The following LRCH3 variants were observed in gnomAD, a reference collection of about 807,000 sequenced individuals.
LRCH3 encodes the protein leucine rich repeats and calponin homology domain containing 3, also known as DISP complex protein LRCH3.
Under a neutral mutation model 104.5 loss-of-function variants are expected in LRCH3, and 68 were observed. The observed-to-expected ratio is 0.65, with a 90% CI of 0.54 to 0.80. The LOEUF (loss-of-function observed/expected upper bound fraction) is 0.80, where lower values mean the gene tolerates loss of function less well. Among genes scored for constraint, LRCH3 ranks in the 30% least tolerant of loss-of-function variants. The pLI is 0.00. For missense variants in LRCH3, 951 were observed against 953.9 expected (o/e 1.00, Z 0.04); for synonymous variants, 344 against 361.3 (o/e 0.95, Z 0.54).
rs866421244 is a variant in LRCH3, at chr3:197,824,719, C to G, written c.641-2159C>G. 2.1e-4 allele frequency among the ~76,000 whole-genome samples: 31 copies of G among 151,114 alleles called. 1 individual carries two copies. In the East Asian group the frequency reaches 6.1e-3, roughly 30 times the overall value. On this transcript the variant is annotated intron_variant, in intron 4 of 20. Coordinates refer to ENST00000425562, the MANE Select transcript of LRCH3 (RefSeq NM_001365715.1). ...CCCAAGTAGCTGGGATTATAGGAGC[C>G]CGCCACCACGCCTGGCTAACTTTTG...
intron 1 of LRCH3, among the ~76,000 whole-genome samples, chr3:197,793,772 C>T (rs779745469): frequency 2.6e-5 from 4 of 151,804 alleles, no homozygotes; most frequent in African/African-American, 4.8e-5. Context: ...CTGGTCAAAA[C>T]GTGTAAAAAG....
intron 20 of LRCH3, 99 bp downstream of exon 20, chr3:197,875,874 C>G: frequency 2.8e-6 from 2 of 714,934 alleles, no homozygotes. Context: ...TAGCTCTGAG[C>G]TAAGTCGATC....
At position 197,791,290 on chromosome 3, in the gene LRCH3, G is replaced by A. The variant is rs778546789; in HGVS notation, c.12G>A (p.Ala4=). Residue 4 remains alanine (A), a synonymous_variant, in exon 1 of 21, where the codon GCG becomes GCA. Coordinates refer to ENST00000425562, the MANE Select transcript of LRCH3 (RefSeq NM_001365715.1). MAA[A]GLVAVAAAAE... is the part of the protein sequence containing the mutation. Reference sequence around the variant, plus strand: ...TTGTCGGCTGGGAAATGGCGGCCGCGGGCTTGGTCGCTGTGGCAGCGGCTG... The same window carrying A: ...TTGTCGGCTGGGAAATGGCGGCCGCAGGCTTGGTCGCTGTGGCAGCGGCTG... The A allele has an allele frequency of 3.7e-6, 6 of 1,608,344 alleles. No homozygotes were observed. In the African/African-American group the frequency reaches 4.0e-5, roughly 11 times the overall value.
At chr3:197,870,512 C>T (rs1198437050) in intron 18 of LRCH3, among the ~76,000 whole-genome samples, 1 of 152,116 alleles carries the variant, frequency 6.6e-6, no homozygotes, top group East Asian at 1.9e-4. Flanking sequence ...ATTACAGGCG[C>T]CCATCACTGC....
chr3:197,836,169 T>G (rs1183576175), intron 9 of LRCH3, among the ~76,000 whole-genome samples: 1 of 152,252 alleles, frequency 6.6e-6, no homozygotes, highest in African/African-American at 2.4e-5. Context: ...TACTAACTGA[T>G]AAATCATAGT....
chr3:197,813,662 C>T (rs1416198479), intron 1 of LRCH3, among the ~76,000 whole-genome samples: 1 of 151,020 alleles, frequency 6.6e-6, no homozygotes, highest in Non-Finnish European at 1.5e-5. Flanking sequence ...TCCCGAGTAG[C>T]TGGGATTACA....
chr3:197,798,710 T>C (rs1241555852), intron 1 of LRCH3, among the ~76,000 whole-genome samples: 2 of 152,208 alleles, frequency 1.3e-5, no homozygotes, highest in Non-Finnish European at 2.9e-5. Flanking sequence ...AGGTCTTAAT[T>C]TGAGATTGTG....
At chr3:197,821,619 T>C (rs1734500063) in intron 4 of LRCH3, among the ~76,000 whole-genome samples, 1 of 152,216 alleles carries the variant, frequency 6.6e-6, no homozygotes, top group Non-Finnish European at 1.5e-5. Flanking sequence ...TCAAGGTATT[T>C]TCATGACAGT....
chr3:197,821,899 C>G (rs1269464522), intron 4 of LRCH3, among the ~76,000 whole-genome samples: 4 of 152,202 alleles, frequency 2.6e-5, no homozygotes, highest in African/African-American at 9.6e-5. Context: ...GTCTCAAACT[C>G]CTGGGGTCAA....
At chr3:197,822,054 A>G (rs1048563257) in intron 4 of LRCH3, among the ~76,000 whole-genome samples, 1 of 152,202 alleles carries the variant, frequency 6.6e-6, no homozygotes, top group Non-Finnish European at 1.5e-5. Flanking sequence ...ATACAGCATA[A>G]TATTTAGTTC....
At chr3:197,850,738 C>T (rs1202585305) in intron 12 of LRCH3, 5 of 1,320,280 alleles carry the variant, frequency 3.8e-6, no homozygotes, top group Admixed American at 3.4e-5. Flanking sequence ...CACTGCTTGG[C>T]CTGCGCACAC....
intron 17 of LRCH3, among the ~76,000 whole-genome samples, chr3:197,868,494 A>T (rs1711615314): frequency 6.6e-6 from 1 of 152,204 alleles, no homozygotes; most frequent in African/African-American, 2.4e-5. Flanking sequence ...GTACCCTATG[A>T]CCAGCAGTTT....
chr3:197,872,907 G>A (rs1322073963), intron 19 of LRCH3, among the ~76,000 whole-genome samples: 1 of 152,146 alleles, frequency 6.6e-6, no homozygotes, highest in African/African-American at 2.4e-5. Context: ...AAAGGCTGTT[G>A]TATTAGTCCA....
In LRCH3 at chr3:197,814,981, G is replaced by A. The variant is rs757216419; in HGVS notation, c.336G>A (p.Leu112=). 1.9e-6 allele frequency: 3 copies of A among 1,593,098 alleles called. No individual in the cohort carries two copies. Residue 112 remains leucine (L), a synonymous_variant, in exon 2 of 21, where the codon TTG becomes TTA. Coordinates refer to ENST00000425562, the MANE Select transcript of LRCH3 (RefSeq NM_001365715.1). ...CHFVSLENLN[L]YQNCIRYIPE... ...TTGTTTCTCTGGAAAATCTCAACTT[G>A]TACCAAAATTGTATTCGTTATATTC...
chr3:197,840,930 T>A (rs1028797796), intron 10 of LRCH3, among the ~76,000 whole-genome samples: 4 of 152,334 alleles, frequency 2.6e-5, no homozygotes, highest in Non-Finnish European at 4.4e-5. Context: ...ATTTTATATC[T>A]CCTGCCCCTC....
At chr3:197,809,622 T>A (rs1732895252) in intron 1 of LRCH3, among the ~76,000 whole-genome samples, 1 of 152,040 alleles carries the variant, frequency 6.6e-6, no homozygotes, top group Non-Finnish European at 1.5e-5. Context: ...TCTCTGTTGT[T>A]CAGGCTGGGT....
At chr3:197,847,545 G>T in intron 11 of LRCH3, 85 bp downstream of exon 11, 1 of 1,181,996 alleles carries the variant, frequency 8.5e-7, no homozygotes, top group Non-Finnish European at 1.2e-6. Flanking sequence ...GCCATTAATT[G>T]CCAGGTATAT....
chr3:197,828,581 A>G (rs912662167), intron 5 of LRCH3, among the ~76,000 whole-genome samples: 2 of 151,376 alleles, frequency 1.3e-5, no homozygotes, highest in Non-Finnish European at 2.9e-5. Flanking sequence ...TCCTGACCTC[A>G]TGATCCACCT....
chr3:197,817,123 T>C, intron 2 of LRCH3, 53 bp from the exon 3 acceptor site: 1 of 1,522,408 alleles, frequency 6.6e-7, no homozygotes, highest in Non-Finnish European at 8.8e-7. Context: ...AGAGAGAAAA[T>C]TTTTCTTCAG....
Sources: gnomAD v4.1 joint callset for allele counts (sites outside exome capture counted in the v4.1 genomes callset) on GRCh38, gnomAD v4.1.1 for gene constraint, MANE v1.5 for transcripts, NCBI Gene and HGNC (gene_info 2026-07-23, HGNC 2026-07-21) for gene names.